Variants in FAM171A1 observed in about 807,000 individuals in gnomAD.
FAM171A1 encodes the protein family with sequence similarity 171 member A1.
Under a neutral mutation model 74.9 loss-of-function variants are expected in FAM171A1, and 23 were observed. The observed-to-expected ratio is 0.31, with a 90% CI of 0.22 to 0.44. The LOEUF (loss-of-function observed/expected upper bound fraction) is 0.44. Among genes scored for constraint, FAM171A1 ranks in the 20% least tolerant of loss-of-function variants. The pLI is 1.00. For synonymous variants in FAM171A1, 527 were observed against 505.7 expected (o/e 1.04, Z -0.57); for missense variants, 1,162 against 1,159.2 (o/e 1.00, Z -0.03).
intron 1 of FAM171A1, among the ~76,000 whole-genome samples, chr10:15,287,091 CTTT>C (rs145921203): frequency 1.5e-5 from 2 of 129,508 alleles, no homozygotes; most frequent in African/African-American, 2.9e-5. Flanking sequence ...TTTTCTTCTT[CTTT>C]TTTTTTTTTT....
At chr10:15,237,752 GC>G (rs1434485096) in intron 5 of FAM171A1, 5 of 147,884 alleles carry the variant, frequency 3.4e-5, no homozygotes, top group African/African-American at 1.2e-4. Context: ...CACTTCAATC[GC>G]TTTTTTTTTT....
intron 4 of FAM171A1, among the ~76,000 whole-genome samples, chr10:15,253,144 C>G (rs1172273996): frequency 1.3e-5 from 2 of 152,124 alleles, no homozygotes; most frequent in African/African-American, 4.8e-5. Flanking sequence ...GCTAGAACTA[C>G]AGGCACCTGC....
At chr10:15,268,817 G>A (rs1328000342) in intron 3 of FAM171A1, among the ~76,000 whole-genome samples, 1 of 152,214 alleles carries the variant, frequency 6.6e-6, no homozygotes, top group Non-Finnish European at 1.5e-5. Context: ...CGAGGTGGAT[G>A]CATCACCTGA....
Position 15,299,303 on chromosome 10 carries a change from T to C in FAM171A1, c.98-15198A>G, listed in dbSNP as rs991202946. ...AAGAATCTGGGAACTGCTTAGTTAATGAGCAGTATTAAGCATGTCTATGAA... is the reference window on the plus strand; with the variant it reads ...AAGAATCTGGGAACTGCTTAGTTAACGAGCAGTATTAAGCATGTCTATGAA... On this transcript the variant is annotated intron_variant, in intron 1 of 7. Transcript: ENST00000378116. 3.9e-5 allele frequency among the ~76,000 whole-genome samples: 6 copies of C among 152,278 alleles called. No homozygotes were observed. The East Asian group carries it at 7.7e-4, about 20-fold the overall frequency.
At chr10:15,257,733 C>A (rs1487978530) in intron 3 of FAM171A1, among the ~76,000 whole-genome samples, 1 of 152,148 alleles carries the variant, frequency 6.6e-6, no homozygotes, top group African/African-American at 2.4e-5. Flanking sequence ...CCACAAAGCA[C>A]AGGCAACACC....
chr10:15,324,285 G>A (rs2131851004), intron 1 of FAM171A1, among the ~76,000 whole-genome samples: 1 of 152,218 alleles, frequency 6.6e-6, no homozygotes, highest in African/African-American at 2.4e-5. Context: ...GGTGATTCAA[G>A]CAGAGAAGTC....
At chr10:15,344,363 A>G (rs2131873329) in intron 1 of FAM171A1, among the ~76,000 whole-genome samples, 1 of 152,300 alleles carries the variant, frequency 6.6e-6, no homozygotes, top group South Asian at 2.1e-4. Flanking sequence ...GCAACATAGC[A>G]AGACTTAGTC....
At chr10:15,295,911 C>A (rs1019057454) in intron 1 of FAM171A1, among the ~76,000 whole-genome samples, 5 of 152,212 alleles carry the variant, frequency 3.3e-5, no homozygotes, top group Admixed American at 6.5e-5. Flanking sequence ...TTAAATAGAA[C>A]ACCAGAAAAC....
chr10:15,258,860 G>A (rs1834620690), intron 3 of FAM171A1, among the ~76,000 whole-genome samples: 1 of 152,138 alleles, frequency 6.6e-6, no homozygotes, highest in Non-Finnish European at 1.5e-5. Flanking sequence ...AGCTCCCAGA[G>A]GGCTACCACC....
chr10:15,279,139 G>C (rs1028047362), intron 2 of FAM171A1, among the ~76,000 whole-genome samples: 1 of 152,172 alleles, frequency 6.6e-6, no homozygotes, highest in Admixed American at 6.5e-5. Context: ...GAAATCACCT[G>C]TGATCATCCC....
rs112034740 is a variant in FAM171A1, at chr10:15,217,639, AT to A, written c.872-1530del. Among the ~76,000 whole-genome samples, 778 of 145,042 alleles carry A rather than the reference AT, an allele frequency of 5.4e-3. 3 individuals carry two copies. Among genetic ancestry groups the A allele is most frequent in the African/African-American group, 0.012 (485 of 39,920 alleles). On this transcript the variant is annotated intron_variant, in intron 6 of 7. Transcript: ENST00000378116. Reference sequence around the variant, plus strand: ...ACTGGCTTACTTGTTCAGAGAAACAATTTTTTTTTTTTTTTGAGACGGAGTC... The same window carrying A: ...ACTGGCTTACTTGTTCAGAGAAACAATTTTTTTTTTTTTTGAGACGGAGTC...
At chr10:15,345,643 G>T (rs1412187575) in intron 1 of FAM171A1, among the ~76,000 whole-genome samples, 1 of 152,126 alleles carries the variant, frequency 6.6e-6, no homozygotes. Flanking sequence ...ATCCAGGAGG[G>T]GGCTGGGAAG....
intron 5 of FAM171A1, among the ~76,000 whole-genome samples, chr10:15,225,296 C>G (rs1834090360): frequency 6.6e-6 from 1 of 152,182 alleles, no homozygotes; most frequent in Non-Finnish European, 1.5e-5. Flanking sequence ...CTGTGAAAGG[C>G]TGGGTGCAGT....
chr10:15,312,543 C>A (rs1266503073), intron 1 of FAM171A1, among the ~76,000 whole-genome samples: 3 of 151,910 alleles, frequency 2.0e-5, no homozygotes, highest in African/African-American at 7.3e-5. Flanking sequence ...TCCCTCCATA[C>A]CCCCAGGGCT....
At chr10:15,274,995 C>T (rs190348108) in intron 3 of FAM171A1, among the ~76,000 whole-genome samples, 53 of 152,158 alleles carry the variant, frequency 3.5e-4, no homozygotes, top group African/African-American at 1.1e-3. Context: ...AGCAAACTAT[C>T]GCAAGGACAG....
At chr10:15,229,146 CT>C (rs754678489) in intron 5 of FAM171A1, among the ~76,000 whole-genome samples, 1 of 152,164 alleles carries the variant, frequency 6.6e-6, no homozygotes. Context: ...GCCATTTCTA[CT>C]CCTACAGCTA....
chr10:15,349,629 C>T (rs959643860), intron 1 of FAM171A1, among the ~76,000 whole-genome samples: 2 of 152,102 alleles, frequency 1.3e-5, no homozygotes, highest in South Asian at 2.1e-4. Context: ...GAAGGATGTT[C>T]GGCATCAGCT....
upstream of FAM171A1, among the ~76,000 whole-genome samples, chr10:15,372,413 G>C (rs1039961157): frequency 6.6e-6 from 1 of 152,132 alleles, no homozygotes; most frequent in Non-Finnish European, 1.5e-5. Flanking sequence ...CTCCAGACTT[G>C]GCTGGGTGTG....
At chr10:15,332,638 A>G (rs1835653789) in intron 1 of FAM171A1, among the ~76,000 whole-genome samples, 3 of 152,218 alleles carry the variant, frequency 2.0e-5, no homozygotes, top group African/African-American at 7.2e-5. Context: ...TTATGCATAC[A>G]TGTAGCATTT....
Sources: gnomAD v4.1 joint callset for allele counts (sites outside exome capture counted in the v4.1 genomes callset) on GRCh38, gnomAD v4.1.1 for gene constraint, MANE v1.5 for transcripts, NCBI Gene and HGNC (gene_info 2026-07-23, HGNC 2026-07-21) for gene names.